SPTLC1: variants seen among roughly 807,000 people sequenced by gnomAD.
SPTLC1 encodes serine palmitoyltransferase 1.
A neutral mutation model predicts 68.9 loss-of-function variants in SPTLC1; 55 were observed. The ratio of observed to expected loss-of-function variants is 0.80; its 90% confidence interval spans 0.64 to 1.00. SPTLC1 has a LOEUF of 1.00. SPTLC1 is among the 50% of genes least tolerant of loss of function. SPTLC1 has a pLI of 0.00. For synonymous variants in SPTLC1, 197 were observed against 201.6 expected (o/e 0.98, Z 0.19); for missense variants, 449 against 573.1 (o/e 0.78, Z 2.21).
chr9:92,085,058 G>C (rs1835058214), intron 3 of SPTLC1, among the ~76,000 whole-genome samples: 1 of 151,294 alleles, frequency 6.6e-6, no homozygotes, highest in African/African-American at 2.4e-5. Context: ...TCTGATGGTA[G>C]TTTGTATTTC....
At chr9:92,078,978 TG>T in intron 5 of SPTLC1, 1 of 868,784 alleles carries the variant, frequency 1.2e-6, no homozygotes, top group Non-Finnish European at 1.4e-6. Flanking sequence ...GAAACAAGGA[TG>T]GAAGATGGAA....
chr9:92,104,503 A>G, intron 3 of SPTLC1: 1 of 1,414,958 alleles, frequency 7.1e-7, no homozygotes, highest in Non-Finnish European at 9.6e-7. Context: ...CCCCCCCCTC[A>G]AGGAAGAAAC....
intron 10 of SPTLC1, 30 bp from the exon 11 acceptor site, chr9:92,047,298 C>T: frequency 6.4e-7 from 1 of 1,566,040 alleles, no homozygotes; most frequent in Non-Finnish European, 8.8e-7. Context: ...GACATATACA[C>T]ATTCTCTGTC....
chr9:92,079,190 C>T (rs573884495), intron 5 of SPTLC1: 48 of 372,810 alleles, frequency 1.3e-4, no homozygotes, highest in Non-Finnish European at 2.0e-4. Flanking sequence ...ATTCTCCCAC[C>T]TCAGCCTCCC....
chr9:92,078,607 C>G (rs927070737), intron 5 of SPTLC1, among the ~76,000 whole-genome samples: 1 of 152,192 alleles, frequency 6.6e-6, no homozygotes, highest in African/African-American at 2.4e-5. Flanking sequence ...TACAGGTTCA[C>G]GCTAGTGCCA....
chr9:92,084,691 T>C (rs368981516), intron 3 of SPTLC1, among the ~76,000 whole-genome samples: 15,914 of 151,362 alleles, frequency 0.11, 1,774 homozygotes, highest in African/African-American at 0.29. Flanking sequence ...AGGATATTGG[T>C]CTAAAATTCT....
chr9:92,110,071 T>C (rs1210931831), intron 2 of SPTLC1: 1 of 152,258 alleles, frequency 6.6e-6, no homozygotes, highest in African/African-American at 2.4e-5. Flanking sequence ...TATTCCCATG[T>C]GTCTCTATCT....
At chr9:92,033,165 G>A (rs575369215) in intron 14 of SPTLC1, among the ~76,000 whole-genome samples, 13 of 152,314 alleles carry the variant, frequency 8.5e-5, no homozygotes, top group African/African-American at 2.6e-4. Context: ...GTGAGTTTCC[G>A]TGGGCTCTGC....
chr9:92,074,691 C>G (rs182035921), intron 5 of SPTLC1, among the ~76,000 whole-genome samples: 3 of 152,218 alleles, frequency 2.0e-5, no homozygotes, highest in African/African-American at 7.2e-5. Flanking sequence ...ACCAACTCCC[C>G]TTACAACTCT....
chr9:92,106,627 T>C (rs1221010102), intron 3 of SPTLC1, among the ~76,000 whole-genome samples: 3 of 152,138 alleles, frequency 2.0e-5, no homozygotes, highest in African/African-American at 7.2e-5. Flanking sequence ...CCACGTGCTG[T>C]TGGGCCCCTC....
chr9:92,104,600 C>A (rs1587613038), intron 3 of SPTLC1: 1 of 1,479,268 alleles, frequency 6.8e-7, no homozygotes. Context: ...TAACCTTCAA[C>A]TTCCTTCATT....
rs1041256036 is a variant in SPTLC1, at chr9:92,105,514, C to A, written c.260+3226G>T. On this transcript the variant is annotated intron_variant, in intron 3 of 14. Coordinates refer to ENST00000262554, the MANE Select transcript of SPTLC1 (RefSeq NM_006415.4). ...GGTCAAGAGATTGAGACCTGAGGAGCATCTCTGCCTGTACCATCTGGGAAG... is the reference window on the plus strand; with the variant it reads ...GGTCAAGAGATTGAGACCTGAGGAGAATCTCTGCCTGTACCATCTGGGAAG... 17 of 647,508 alleles carry A rather than the reference C, an allele frequency of 2.6e-5. No individual in the cohort carries two copies. The African/African-American group carries it at 2.8e-4, about 11-fold the overall frequency. 40.1% of individuals were successfully genotyped at this position (647,508 alleles called of 1,614,324 possible).
At chr9:92,110,362 C>T (rs1170751866) in intron 2 of SPTLC1, 3 of 152,154 alleles carry the variant, frequency 2.0e-5, no homozygotes, top group Non-Finnish European at 4.4e-5. Flanking sequence ...TTCTCCTATT[C>T]GATTAGAAAT....
intron 6 of SPTLC1, among the ~76,000 whole-genome samples, chr9:92,062,130 T>C (rs1485194045): frequency 6.6e-6 from 1 of 151,932 alleles, no homozygotes; most frequent in Non-Finnish European, 1.5e-5. Context: ...TAGTAAAAAA[T>C]ACAGATTTAT....
intron 12 of SPTLC1, among the ~76,000 whole-genome samples, chr9:92,043,974 C>G (rs1361536351): frequency 6.6e-6 from 1 of 152,138 alleles, no homozygotes; most frequent in African/African-American, 2.4e-5. Flanking sequence ...ACATTGGCCT[C>G]TTTGCTATTT....
chr9:92,047,750 GA>G (rs747089220), intron 9 of SPTLC1, 42 bp from the exon 10 acceptor site: 42 of 1,427,950 alleles, frequency 2.9e-5, no homozygotes, highest in Non-Finnish European at 3.0e-5. Context: ...ACAGTTTAAA[GA>G]AAAAAAAGGC....
intron 3 of SPTLC1, among the ~76,000 whole-genome samples, chr9:92,081,594 T>A (rs777409477): frequency 1.2e-4 from 19 of 152,200 alleles, no homozygotes; most frequent in Non-Finnish European, 2.5e-4. Context: ...CGTTAAGCCC[T>A]CTGCTGATCT....
intron 8 of SPTLC1, among the ~76,000 whole-genome samples, chr9:92,054,958 C>T (rs1180439597): frequency 6.6e-6 from 1 of 152,012 alleles, no homozygotes; most frequent in Non-Finnish European, 1.5e-5. Context: ...GGTGTGGTGG[C>T]TCATACCTGT....
At chr9:92,064,868 G>GAAT (rs1834227510) in intron 6 of SPTLC1, among the ~76,000 whole-genome samples, 1 of 152,186 alleles carries the variant, frequency 6.6e-6, no homozygotes, top group African/African-American at 2.4e-5. Flanking sequence ...GTTGCCTACT[G>GAAT]GATGATTCCA....
Sources: allele counts gnomAD v4.1 joint callset (sites outside exome capture counted in the v4.1 genomes callset), GRCh38; gene constraint gnomAD v4.1.1; transcripts MANE v1.5; gene names NCBI Gene and HGNC (gene_info 2026-07-23, HGNC 2026-07-21).